The following DDX10 variants were observed in gnomAD, a reference collection of about 807,000 sequenced individuals.
DDX10 encodes DEAD-box helicase 10.
DDX10 carries 74 observed loss-of-function variants against 104.3 expected under a neutral mutation model. The ratio of observed to expected loss-of-function variants is 0.71; its 90% CI spans 0.59 to 0.86. The LOEUF (loss-of-function observed/expected upper bound fraction) is 0.86. Ranked by LOEUF, DDX10 falls within the 40% of genes least tolerant of loss-of-function variation. DDX10 has a pLI of 0.00. For missense variants in DDX10, 952 were observed against 1,040.0 expected, an observed-to-expected ratio of 0.92 and a Z score of 1.16; for synonymous variants, 351 against 353.4, an observed-to-expected ratio of 0.99 and a Z score of 0.08.
chr11:108,756,168 C>T (rs1298249198), intron 13 of DDX10, among the ~76,000 whole-genome samples: 1 of 151,968 alleles, frequency 6.6e-6, no homozygotes, highest in African/African-American at 2.4e-5. Context: ...TGTTAGTTTG[C>T]AGTAAACTTT....
intron 13 of DDX10, among the ~76,000 whole-genome samples, chr11:108,794,695 CT>C (rs1476684044): frequency 6.6e-6 from 1 of 152,090 alleles, no homozygotes. Context: ...GTTAAACCAA[CT>C]TTTCTTTCCT....
intron 13 of DDX10, among the ~76,000 whole-genome samples, chr11:108,766,931 A>G (rs1372318281): frequency 1.3e-5 from 2 of 152,200 alleles, no homozygotes; most frequent in Non-Finnish European, 2.9e-5. Context: ...TGGCTTTAAA[A>G]GTATGGAAAA....
Position 108,849,625 on chromosome 11 carries a change from G to A in DDX10, c.2248-2528G>A, listed in dbSNP as rs989455050. ...AATTTGATTTTCATTATTGAATTTC[G>A]TGCTCCCCTTATACTTAATCATTTG... On this transcript the variant is annotated intron_variant, in intron 15 of 17. Transcript: ENST00000322536. Among the ~76,000 whole-genome samples the A allele has an allele frequency of 1.4e-4, 22 of 151,988 alleles. No individual in the cohort carries two copies. The Middle Eastern group carries it at 0.014, about 94-fold the overall frequency.
intron 16 of DDX10, chr11:108,860,593 T>G (rs1862927930): frequency 6.6e-6 from 1 of 152,162 alleles, no homozygotes. Flanking sequence ...TCACCCAGGC[T>G]GGAGTGCAGT....
chr11:108,719,729 C>G (rs1045347800), intron 11 of DDX10, 68 bp from the exon 12 acceptor site: 10 of 924,950 alleles, frequency 1.1e-5, no homozygotes, highest in Non-Finnish European at 1.7e-5. Flanking sequence ...GGCTAATTTT[C>G]TTATATTTTG....
intron 1 of DDX10, among the ~76,000 whole-genome samples, chr11:108,667,389 C>T (rs1007290508): frequency 6.6e-6 from 1 of 152,194 alleles, no homozygotes; most frequent in Admixed American, 6.5e-5. Context: ...CCGATTAGAA[C>T]CCTTCCTTGG....
chr11:108,697,750 C>G (rs1203283509), intron 9 of DDX10, among the ~76,000 whole-genome samples: 1 of 152,122 alleles, frequency 6.6e-6, no homozygotes, highest in African/African-American at 2.4e-5. Context: ...CTCTTTAGGG[C>G]TTATAGTTCT....
intron 13 of DDX10, among the ~76,000 whole-genome samples, chr11:108,821,964 G>C (rs1267588794): frequency 6.6e-6 from 1 of 152,110 alleles, no homozygotes; most frequent in Non-Finnish European, 1.5e-5. Flanking sequence ...CAGTGTGAAG[G>C]AATTTCACCA....
chr11:108,905,064 C>A (rs752158007), intron 16 of DDX10, among the ~76,000 whole-genome samples: 2 of 152,054 alleles, frequency 1.3e-5, no homozygotes, highest in Admixed American at 6.6e-5. Flanking sequence ...GCGGGCTGCC[C>A]GTGGACTCTT....
intron 13 of DDX10, among the ~76,000 whole-genome samples, chr11:108,724,620 G>T (rs936470373): frequency 6.6e-6 from 1 of 152,028 alleles, no homozygotes; most frequent in African/African-American, 2.4e-5. Context: ...GTAAATACAA[G>T]AAGTTAGATT....
chr11:108,800,166 G>T (rs1028440137), intron 13 of DDX10, among the ~76,000 whole-genome samples: 5 of 151,378 alleles, frequency 3.3e-5, no homozygotes, highest in African/African-American at 4.9e-5. Flanking sequence ...CATCTTGACC[G>T]AGCGCGGTGG....
intron 16 of DDX10, among the ~76,000 whole-genome samples, chr11:108,908,733 A>G (rs141451959): frequency 8.5e-5 from 13 of 152,296 alleles, no homozygotes; most frequent in African/African-American, 2.6e-4. Flanking sequence ...AACAGACATT[A>G]CCATGTACTT....
At chr11:108,792,698 G>C (rs976735146) in intron 13 of DDX10, among the ~76,000 whole-genome samples, 5 of 151,424 alleles carry the variant, frequency 3.3e-5, no homozygotes, top group Non-Finnish European at 5.9e-5. Flanking sequence ...TTTAACTTTT[G>C]GTCTTTTTTT....
chr11:108,838,589 T>G, intron 14 of DDX10, 24 bp downstream of exon 14: 1 of 1,595,726 alleles, frequency 6.3e-7, no homozygotes, highest in Non-Finnish European at 8.5e-7. Context: ...AGTGTTTCAT[T>G]TCTGAGGTGC....
chr11:108,824,265 A>G (rs1862366092), intron 13 of DDX10, among the ~76,000 whole-genome samples: 1 of 151,940 alleles, frequency 6.6e-6, no homozygotes, highest in Non-Finnish European at 1.5e-5. Flanking sequence ...CTCATCTCGA[A>G]CTCGTGACCT....
At chr11:108,749,050 GTCTCTC>G (rs974317871) in intron 13 of DDX10, among the ~76,000 whole-genome samples, 2 of 148,624 alleles carry the variant, frequency 1.3e-5, no homozygotes, top group Non-Finnish European at 3.0e-5. Context: ...AGACAACCAT[GTCTCTC>G]TCTCTCTCTC....
At chr11:108,749,399 A>T (rs558776099) in intron 13 of DDX10, among the ~76,000 whole-genome samples, 1 of 152,274 alleles carries the variant, frequency 6.6e-6, no homozygotes, top group East Asian at 1.9e-4. Context: ...TCACTATTCA[A>T]GGTTATTAGC....
chr11:108,751,120 T>C (rs1364720121), intron 13 of DDX10, among the ~76,000 whole-genome samples: 1 of 151,784 alleles, frequency 6.6e-6, no homozygotes, highest in African/African-American at 2.4e-5. Flanking sequence ...AGAGTACTTT[T>C]TATTTTGTTG....
intron 17 of DDX10, among the ~76,000 whole-genome samples, chr11:108,936,645 G>A (rs980022563): frequency 6.6e-6 from 1 of 152,104 alleles, no homozygotes; most frequent in African/African-American, 2.4e-5. Flanking sequence ...AGCAATTCCT[G>A]AAACATCATT....
Sources: allele counts gnomAD v4.1 joint callset (sites outside exome capture counted in the v4.1 genomes callset), GRCh38; gene constraint gnomAD v4.1.1; transcripts MANE v1.5; gene names NCBI Gene and HGNC (gene_info 2026-07-23, HGNC 2026-07-21).